The following ACOXL variants were observed in gnomAD, a reference collection of about 807,000 sequenced individuals.
ACOXL encodes the protein acyl-coenzyme A oxidase-like protein.
ACOXL carries 70 observed loss-of-function variants against 71.9 expected under a neutral mutation model. The ratio of observed to expected loss-of-function variants is 0.97; its 90% CI spans 0.80 to 1.19. The LOEUF is 1.19. Ranked by LOEUF, ACOXL falls within the 50% of genes most tolerant of loss-of-function variation. The pLI is 0.00. For missense variants in ACOXL, 703 were observed against 736.3 expected (o/e 0.95, Z 0.52); for synonymous variants, 253 against 281.6 (o/e 0.90, Z 1.02).
chr2:110,830,436 T>G (rs1417537763), intron 9 of ACOXL, among the ~76,000 whole-genome samples: 3 of 152,194 alleles, frequency 2.0e-5, no homozygotes, highest in Non-Finnish European at 4.4e-5. Flanking sequence ...CTATTGCATT[T>G]TTTTTTAAAC....
At chr2:110,821,646 C>G (rs1388737992) in intron 9 of ACOXL, among the ~76,000 whole-genome samples, 4 of 152,194 alleles carry the variant, frequency 2.6e-5, no homozygotes, top group Non-Finnish European at 5.9e-5. Context: ...CTTTTTCCCC[C>G]TTTTCATACG....
At chr2:110,803,807 A>AT (rs1686287880) in intron 8 of ACOXL, among the ~76,000 whole-genome samples, 2 of 152,208 alleles carry the variant, frequency 1.3e-5, no homozygotes, top group South Asian at 4.1e-4. Flanking sequence ...AGAAATAACT[A>AT]TTACAGCTCA....
chr2:111,044,526 G>A (rs2065927553), intron 15 of ACOXL, among the ~76,000 whole-genome samples: 1 of 152,218 alleles, frequency 6.6e-6, no homozygotes, highest in Admixed American at 6.5e-5. Flanking sequence ...AACATTCTGA[G>A]ACGGGATTTC....
intron 14 of ACOXL, among the ~76,000 whole-genome samples, chr2:111,029,816 A>G (rs1368642477): frequency 6.6e-6 from 1 of 152,184 alleles, no homozygotes; most frequent in Non-Finnish European, 1.5e-5. Flanking sequence ...GCTGGCTGGT[A>G]GGCCTTCAAG....
At chr2:110,906,438 C>T (rs1019456689) in intron 10 of ACOXL, among the ~76,000 whole-genome samples, 2 of 150,468 alleles carry the variant, frequency 1.3e-5, no homozygotes, top group Non-Finnish European at 2.9e-5. Context: ...ACTCGGGAGG[C>T]TGAGGCAGAG....
At position 110,799,046 on chromosome 2, in the gene ACOXL, G is replaced by A; in HGVS notation, c.493G>A (p.Glu165Lys). ...CTGTTTCATCGTTCCTGTCCGGGAT[G>A]AAAACGGAAGCTTGTACCCAGGAGT... ...PHCFIVPVRD[E>K]NGSLYPGVTA... Residue 165 changes from glutamate (E) to lysine (K), a missense_variant, in exon 7 of 18, where the codon GAA becomes AAA. By Grantham distance (56) the Glu-to-Lys change is moderately conservative. Transcript: ENST00000439055. The A allele has an allele frequency of 6.2e-7, 1 of 1,613,918 alleles. No individual in the cohort carries two copies. The highest frequency in any genetic ancestry group is 8.5e-7 in the Non-Finnish European group (1 of 1,179,904).
intron 15 of ACOXL, among the ~76,000 whole-genome samples, chr2:111,047,845 A>G (rs992807285): frequency 6.6e-6 from 1 of 152,242 alleles, no homozygotes; most frequent in Non-Finnish European, 1.5e-5. Context: ...ATGGATCCCA[A>G]GTATGTCTTG....
At chr2:110,957,890 C>T (rs1470166169) in intron 12 of ACOXL, among the ~76,000 whole-genome samples, 1 of 151,552 alleles carries the variant, frequency 6.6e-6, no homozygotes, top group Non-Finnish European at 1.5e-5. Flanking sequence ...AACCCCGTCT[C>T]TACTAAAAAT....
At chr2:110,988,099 CT>C (rs1366444894) in intron 13 of ACOXL, among the ~76,000 whole-genome samples, 1 of 152,158 alleles carries the variant, frequency 6.6e-6, no homozygotes, top group Non-Finnish European at 1.5e-5. Flanking sequence ...GTGATGCTCT[CT>C]GATATTTTTA....
At chr2:110,931,778 G>A (rs1393362266) in intron 11 of ACOXL, among the ~76,000 whole-genome samples, 8 of 152,290 alleles carry the variant, frequency 5.3e-5, no homozygotes, top group South Asian at 2.1e-4. Context: ...AAGACCAATT[G>A]TTGGCAGGAA....
chr2:110,995,743 A>C, intron 13 of ACOXL, 150 bp from the exon 14 acceptor site: 1 of 590,066 alleles, frequency 1.7e-6, no homozygotes, highest in Non-Finnish European at 3.1e-6. Context: ...GAATACAGTC[A>C]GTGAGAGATG....
At chr2:110,742,624 G>A (rs532500112) in intron 1 of ACOXL, among the ~76,000 whole-genome samples, 1 of 152,318 alleles carries the variant, frequency 6.6e-6, no homozygotes, top group Admixed American at 6.5e-5. Flanking sequence ...AAGGACAGAA[G>A]GTGGGTGAAT....
chr2:111,045,261 C>G (rs528104982), intron 15 of ACOXL, among the ~76,000 whole-genome samples: 1 of 152,174 alleles, frequency 6.6e-6, no homozygotes, highest in Admixed American at 6.5e-5. Context: ...AAAGTAGATA[C>G]GACAACTGCT....
intron 17 of ACOXL, among the ~76,000 whole-genome samples, chr2:111,111,633 G>A (rs1226942968): frequency 6.6e-6 from 1 of 152,188 alleles, no homozygotes; most frequent in Non-Finnish European, 1.5e-5. Context: ...ATCAGTAGCA[G>A]TATGAATAAA....
At chr2:111,059,744 T>G (rs1574634314) in intron 16 of ACOXL, among the ~76,000 whole-genome samples, 1 of 136,128 alleles carries the variant, frequency 7.3e-6, no homozygotes. Context: ...GCTGGCAACC[T>G]GGAAAAAGCT....
At chr2:111,027,130 C>A (rs2065050109) in intron 14 of ACOXL, among the ~76,000 whole-genome samples, 1 of 151,876 alleles carries the variant, frequency 6.6e-6, no homozygotes, top group Non-Finnish European at 1.5e-5. Flanking sequence ...CTCCTGGGCT[C>A]AAGTGATCCA....
At chr2:110,851,059 G>A (rs1263371631) in intron 10 of ACOXL, among the ~76,000 whole-genome samples, 1 of 152,140 alleles carries the variant, frequency 6.6e-6, no homozygotes, top group Non-Finnish European at 1.5e-5. Flanking sequence ...TGACATTCTG[G>A]AAAAGAGCAA....
chr2:110,969,015 A>C (rs2062059892), intron 12 of ACOXL, among the ~76,000 whole-genome samples: 1 of 152,218 alleles, frequency 6.6e-6, no homozygotes, highest in Non-Finnish European at 1.5e-5. Flanking sequence ...CAAGAGCAGA[A>C]AGAAAAGAAG....
chr2:110,835,469 G>A (rs1280344397), intron 9 of ACOXL, among the ~76,000 whole-genome samples: 1 of 152,180 alleles, frequency 6.6e-6, no homozygotes, highest in African/African-American at 2.4e-5. Flanking sequence ...CCTTGAGGAA[G>A]CTGGCTGCAT....
Sources: allele counts gnomAD v4.1 joint callset (sites outside exome capture counted in the v4.1 genomes callset), GRCh38; gene constraint gnomAD v4.1.1; transcripts MANE v1.5; gene names NCBI Gene and HGNC (gene_info 2026-07-23, HGNC 2026-07-21).